The following TUT7 variants were observed in gnomAD, a reference collection of about 807,000 sequenced individuals.
TUT7 encodes the protein terminal uridylyl transferase 7.
A neutral mutation model predicts 165.9 loss-of-function variants in TUT7; 33 were observed. The ratio of observed to expected loss-of-function variants is 0.20; its 90% CI spans 0.15 to 0.27. TUT7 has a LOEUF of 0.27. Among genes scored for constraint, TUT7 ranks in the 10% least tolerant of loss-of-function variants. The pLI is 1.00. For missense variants in TUT7, 1,338 were observed against 1,762.3 expected, an observed-to-expected ratio of 0.76 and a Z score of 4.31; for synonymous variants, 552 against 608.1, an observed-to-expected ratio of 0.91 and a Z score of 1.36.
Position 86,352,933 on chromosome 9 carries a change from C to T in TUT7, c.267G>A (p.Trp89Ter). 1 of 1,614,190 alleles carries T rather than the reference C, an allele frequency of 6.2e-7. No individual in the cohort carries two copies. Residue 89 changes from tryptophan to a stop codon, truncating the protein, a stop_gained, in exon 2 of 27, where the codon TGG (tryptophan) becomes TGA (stop). Transcript: ENST00000375963. LOFTEE classifies it high-confidence loss of function. ...TCTGATCTTTGTGGCTGTCATTCAT[C>T]CAAGCGGGTTGACTGTAGATTGGGT... is the stretch of plus-strand genomic sequence containing the variant. ...FKNPIYSQPA[W>*]MNDSHKDQSK...
At chr9:86,294,936 G>A (rs1456562664) in intron 26 of TUT7, among the ~76,000 whole-genome samples, 3 of 151,452 alleles carry the variant, frequency 2.0e-5, no homozygotes, top group Non-Finnish European at 2.9e-5. Context: ...TCTAATAATT[G>A]TGAAAACTCA....
At chr9:86,320,304 C>T (rs545517906) in intron 14 of TUT7, among the ~76,000 whole-genome samples, 20 of 148,442 alleles carry the variant, frequency 1.3e-4, no homozygotes, top group Admixed American at 8.1e-4. Flanking sequence ...TCTTCTGACA[C>T]GGATGAACAC....
chr9:86,342,895 A>G (rs942482099), intron 6 of TUT7, among the ~76,000 whole-genome samples, 180 bp downstream of exon 6: 1 of 152,178 alleles, frequency 6.6e-6, no homozygotes, highest in African/African-American at 2.4e-5. Context: ...TATAGACTAA[A>G]ATAAGTATGA....
intron 6 of TUT7, among the ~76,000 whole-genome samples, chr9:86,341,322 T>C (rs1311384060): frequency 2.6e-5 from 4 of 152,198 alleles, no homozygotes; most frequent in African/African-American, 9.7e-5. Flanking sequence ...TCTCAGCAAG[T>C]CTCAAAGTGG....
Position 86,301,284 on chromosome 9 carries a change from C to T in TUT7, c.4412G>A (p.Gly1471Asp). ...HIKKECPQFK[G>D]SSGSLSSKYM... is the part of the protein sequence containing the mutation. ...GTGATAGGTGTCCATACCTGAAGAG[C>T]CTTTAAACTGTGGGCATTCCTTTTT... The change falls in exon 26 of 27, where the codon GGC becomes GAC. Residue 1471 changes from glycine (G) to aspartate (D), a missense_variant. Transcript: ENST00000375963. 10 of 1,613,516 alleles carry T rather than the reference C, an allele frequency of 6.2e-6. No individual in the cohort carries two copies. Among genetic ancestry groups the T allele is most frequent in the Non-Finnish European group, 8.5e-6 (10 of 1,179,728 alleles).
At chr9:86,335,166 A>G (rs1830656817) in intron 10 of TUT7, among the ~76,000 whole-genome samples, 1 of 152,216 alleles carries the variant, frequency 6.6e-6, no homozygotes, top group Non-Finnish European at 1.5e-5. Context: ...TTCAAGGTTC[A>G]GAATGACATT....
intron 19 of TUT7, 46 bp from the exon 20 acceptor site, chr9:86,309,622 C>A: frequency 7.0e-7 from 1 of 1,437,716 alleles, no homozygotes; most frequent in Non-Finnish European, 9.7e-7. Flanking sequence ...CTGTTTTCTG[C>A]TAACTTTGCA....
rs1407200396 is a variant in TUT7 at position 86,312,437 on chromosome 9, T to C, written c.3275-1628A>G. 1.1e-4 allele frequency among the ~76,000 whole-genome samples: 17 copies of C among 151,944 alleles called. 1 individual carries two copies. The South Asian group carries it at 3.1e-3, about 28-fold the overall frequency. On this transcript the variant is annotated intron_variant, in intron 17 of 26. Coordinates refer to ENST00000375963, the MANE Select transcript of TUT7 (RefSeq NM_024617.4). ...CCCTCCGCCCGGCAGCCACCCCGTC[T>C]GGGAAGTGAGGAGCGTCTCCACCCG... is the stretch of plus-strand genomic sequence containing the variant.
At chr9:86,303,910 A>C (rs1320256115) in intron 24 of TUT7, among the ~76,000 whole-genome samples, 2 of 152,270 alleles carry the variant, frequency 1.3e-5, no homozygotes, top group Non-Finnish European at 2.9e-5. Flanking sequence ...GTACAGATGT[A>C]ATCAAACACT....
At position 86,342,969 on chromosome 9, in the gene TUT7, C is replaced by T. The variant is rs904470685; in HGVS notation, c.1086+106G>A. On this transcript the variant is annotated intron_variant, in intron 6 of 26. Transcript: ENST00000375963. ...AAGGCAAGCGGATGCTGTCATTACACTTAAAATATCTTCAAATATCTAAAA... is the reference window on the plus strand; with the variant it reads ...AAGGCAAGCGGATGCTGTCATTACATTTAAAATATCTTCAAATATCTAAAA... The T allele has an allele frequency of 6.3e-6, 5 of 796,018 alleles. No individual in the cohort carries two copies. In the African/African-American group the frequency reaches 9.2e-5, roughly 15 times the overall value. 49.3% of individuals were successfully genotyped at this position (796,018 alleles called of 1,614,324 possible). A position where few individuals can be genotyped will look rare whatever the true frequency, so the allele number is the denominator to read the frequency against.
At chr9:86,313,560 C>G (rs1261582342) in intron 17 of TUT7, among the ~76,000 whole-genome samples, 1 of 152,176 alleles carries the variant, frequency 6.6e-6, no homozygotes, top group African/African-American at 2.4e-5. Context: ...CAGAAAGATT[C>G]ACTAGCTTAG....
chr9:86,291,516 G>A (rs951524164), intron 26 of TUT7, among the ~76,000 whole-genome samples: 1 of 149,440 alleles, frequency 6.7e-6, no homozygotes, highest in African/African-American at 2.5e-5. Context: ...ACGTTGTGGT[G>A]AGCCGAGATT....
intron 25 of TUT7, among the ~76,000 whole-genome samples, chr9:86,302,003 A>G (rs1157586957): frequency 2.0e-5 from 3 of 152,226 alleles, no homozygotes; most frequent in African/African-American, 7.2e-5. Flanking sequence ...TTAAATTCAC[A>G]AAGGAACAAT....
In TUT7 at chr9:86,323,792, T is replaced by C. The variant is rs560186330; in HGVS notation, c.1958A>G (p.His653Arg). The part of the protein sequence containing the change: ...PLNAITCISE[H>R]SKEVINHHPD... ...ATGATGATTTATTACTTCTTTAGAATGTTCTGAAATACATGTAATTGCATT... is the reference window on the plus strand; with the variant it reads ...ATGATGATTTATTACTTCTTTAGAACGTTCTGAAATACATGTAATTGCATT... Residue 653 changes from histidine (H) to arginine (R), a missense_variant, in exon 13 of 27, where the codon CAT (histidine) becomes CGT (arginine). By Grantham distance (29) the His-to-Arg change is conservative. Transcript: ENST00000375963. 12 of 1,613,946 alleles carry C rather than the reference T, an allele frequency of 7.4e-6. No individual in the cohort carries two copies. In the African/African-American group the frequency reaches 1.1e-4, roughly 14 times the overall value.
At chr9:86,335,501 T>G (rs901647515) in intron 10 of TUT7, among the ~76,000 whole-genome samples, 1 of 152,130 alleles carries the variant, frequency 6.6e-6, no homozygotes, top group African/African-American at 2.4e-5. Flanking sequence ...CTAAAAGATT[T>G]GTGAAAAGAC....
At chr9:86,299,985 C>T (rs1277111061) in intron 26 of TUT7, among the ~76,000 whole-genome samples, 1 of 152,060 alleles carries the variant, frequency 6.6e-6, no homozygotes, top group Admixed American at 6.5e-5. Flanking sequence ...ATGAAATTAT[C>T]CATGTAAAGT....
chr9:86,342,996 A>C, intron 6 of TUT7, 79 bp downstream of exon 6: 1 of 952,154 alleles, frequency 1.1e-6, no homozygotes. Context: ...TATCTAAAAT[A>C]TATTCATAGA....
chr9:86,341,067 C>A lies in TUT7; in HGVS notation c.1087-14G>T, dbSNP rs770294471. On this transcript the variant is annotated splice_polypyrimidine_tract_variant and intron_variant, in intron 6 of 26. Transcript: ENST00000375963. ...TGGCTGAGACATCTAGGAAATAAAT[C>A]AATGAATACATGAAATTATTCCTAA... 6.2e-7 allele frequency: 1 copy of A among 1,604,698 alleles called. No individual in the cohort carries two copies. Among genetic ancestry groups the A allele is most frequent in the South Asian group, 1.1e-5 (1 of 90,700 alleles).
At chr9:86,344,700 C>T (rs1045402030) in intron 5 of TUT7, among the ~76,000 whole-genome samples, 2 of 150,600 alleles carry the variant, frequency 1.3e-5, no homozygotes. Context: ...AACATACATA[C>T]ACAAGAGTCC....
Sources: allele counts gnomAD v4.1 joint callset (sites outside exome capture counted in the v4.1 genomes callset), GRCh38; gene constraint gnomAD v4.1.1; transcripts MANE v1.5; gene names NCBI Gene and HGNC (gene_info 2026-07-23, HGNC 2026-07-21).